SCN3A: variants seen among roughly 807,000 people sequenced by gnomAD.
The protein encoded by SCN3A is sodium channel protein type 3 subunit alpha.
In SCN3A, 60 loss-of-function variants were observed where a neutral mutation model predicts 187.6. The ratio of observed to expected loss-of-function variants is 0.32; its 90% CI spans 0.26 to 0.40. SCN3A has a LOEUF of 0.40. Ranked by LOEUF, SCN3A falls within the 10% of genes least tolerant of loss-of-function variation. The pLI, the probability that SCN3A is intolerant of heterozygous loss-of-function variation, is 1.00. For synonymous variants in SCN3A, 788 were observed against 829.2 expected, an observed-to-expected ratio of 0.95 and a Z score of 0.85; for missense variants, 1,601 against 2,428.2, an observed-to-expected ratio of 0.66 and a Z score of 7.16.
At chr2:165,115,691 G>C in intron 18 of SCN3A, 116 bp from the exon 19 acceptor site, 1 of 917,270 alleles carries the variant, frequency 1.1e-6, no homozygotes, top group Non-Finnish European at 1.8e-6. Context: ...AACTCTATTA[G>C]CATTACTGAT....
chr2:165,147,401 C>T (rs866143130), intron 11 of SCN3A, among the ~76,000 whole-genome samples: 1 of 151,852 alleles, frequency 6.6e-6, no homozygotes, highest in African/African-American at 2.4e-5. Flanking sequence ...ATCTGTAAAA[C>T]GTTTCCTCCT....
chr2:165,120,267 C>T (rs1686587873), intron 18 of SCN3A, among the ~76,000 whole-genome samples: 2 of 151,876 alleles, frequency 1.3e-5, no homozygotes, highest in South Asian at 2.1e-4. Context: ...AAATACCACT[C>T]ACAGGAATGG....
intron 15 of SCN3A, among the ~76,000 whole-genome samples, chr2:165,134,756 C>T (rs951482839): frequency 6.6e-6 from 1 of 151,550 alleles, no homozygotes; most frequent in Non-Finnish European, 1.5e-5. Context: ...ATGTATAAAA[C>T]TTTTAGAAGC....
intron 18 of SCN3A, among the ~76,000 whole-genome samples, chr2:165,126,424 T>C (rs1014027920): frequency 6.6e-6 from 1 of 151,438 alleles, no homozygotes; most frequent in Non-Finnish European, 1.5e-5. Flanking sequence ...TCTTCTTTCT[T>C]TCTTCCCTTC....
At chr2:165,131,804 A>C (rs1574170777) in intron 15 of SCN3A, among the ~76,000 whole-genome samples, 1 of 128,264 alleles carries the variant, frequency 7.8e-6, no homozygotes, top group African/African-American at 3.0e-5. Flanking sequence ...TCCTGTGTCC[A>C]TGTGTTCTCA....
At chr2:165,145,945 A>G (rs1324613822) in intron 12 of SCN3A, among the ~76,000 whole-genome samples, 1 of 152,170 alleles carries the variant, frequency 6.6e-6, no homozygotes. Context: ...TATGTAAACA[A>G]TACATTAACT....
chr2:165,111,484 TACACACACACACACACACACACACACAC>T (rs60417556), intron 21 of SCN3A, among the ~76,000 whole-genome samples: 4 of 142,524 alleles, frequency 2.8e-5, no homozygotes, highest in Middle Eastern at 3.3e-3. Flanking sequence ...GCCAGTCTGA[TACACACACACACACACACACACACACAC>T]ACACACACAC....
At position 165,196,477 on chromosome 2, in the gene SCN3A, C is replaced by T. The variant is rs115641836; in HGVS notation, c.-248+7346G>A. Among the ~76,000 whole-genome samples the T allele has an allele frequency of 6.3e-3, 953 of 152,126 alleles. 6 individuals carry two copies. Among genetic ancestry groups the T allele is most frequent in the African/African-American group, 0.022 (910 of 41,508 alleles). ...TTAAATACTAATACTAAATGATGAT[C>T]CTCTAGGGAAAAGACTTTAGGATAT... On this transcript the variant is annotated intron_variant, in intron 1 of 27. Transcript: ENST00000283254.
intron 15 of SCN3A, among the ~76,000 whole-genome samples, chr2:165,135,509 A>T (rs1333852186): frequency 6.6e-6 from 1 of 152,124 alleles, no homozygotes; most frequent in Non-Finnish European, 1.5e-5. Context: ...TGAGCAAATT[A>T]TAAGCTCTCC....
At chr2:165,132,750 G>A (rs1687417719) in intron 15 of SCN3A, among the ~76,000 whole-genome samples, 1 of 152,112 alleles carries the variant, frequency 6.6e-6, no homozygotes, top group Non-Finnish European at 1.5e-5. Context: ...AACACCAAAA[G>A]CAATGGCGAC....
intron 21 of SCN3A, among the ~76,000 whole-genome samples, chr2:165,112,256 T>C (rs187710156): frequency 2.6e-5 from 4 of 152,322 alleles, no homozygotes; most frequent in Admixed American, 6.5e-5. Context: ...ATTGGCAATG[T>C]TCCTATGACT....
intron 18 of SCN3A, among the ~76,000 whole-genome samples, chr2:165,126,600 G>C (rs113823555): frequency 0.029 from 2,513 of 86,624 alleles, 107 homozygotes; most frequent in African/African-American, 0.11. Context: ...CCCTCCCTTC[G>C]TTCCTTCCTT....
chr2:165,097,342 G>A lies in SCN3A; in HGVS notation c.4149C>T (p.Asp1383=). 1 of 1,614,034 alleles carries A rather than the reference G, an allele frequency of 6.2e-7. No homozygotes were observed. The change falls in exon 23 of 28, where the codon GAC becomes GAT. Residue 1383 remains aspartate, a synonymous_variant. Coordinates refer to ENST00000283254, the MANE Select transcript of SCN3A (RefSeq NM_006922.4). The part of the protein sequence containing the change: ...FDISDVNNLS[D]CQALGKQARW... ...GAGCTTGCTTGCCAAGAGCCTGACA[G>A]TCACTCAAATTGTTAACATCACTAA...
intron 3 of SCN3A, among the ~76,000 whole-genome samples, chr2:165,174,613 A>C (rs151054831): frequency 1.3e-5 from 2 of 152,306 alleles, no homozygotes; most frequent in African/African-American, 4.8e-5. Flanking sequence ...ACTTTTAATC[A>C]TAGCAGAGTA....
chr2:165,102,147 G>C (rs1187133026), intron 21 of SCN3A, among the ~76,000 whole-genome samples: 1 of 152,200 alleles, frequency 6.6e-6, no homozygotes, highest in African/African-American at 2.4e-5. Flanking sequence ...CTTTATTTGA[G>C]ACATGGGATT....
Position 165,162,719 on chromosome 2 carries a change from C to G in SCN3A, c.804G>C (p.Leu268=), listed in dbSNP as rs199984946. The G allele has an allele frequency of 6.2e-7, 1 of 1,614,018 alleles. No homozygotes were observed. The highest frequency in any genetic ancestry group is 1.3e-5 in the African/African-American group (1 of 74,922). ...ATTTATTCCTCAGATTGCCCATGAA[C>G]AGCTGCAGCCCAATGAGAGCAAACA... ...LSVFALIGLQ[L]FMGNLRNKCL... The change falls in exon 8 of 28, where the codon CTG becomes CTC. Residue 268 remains leucine, a synonymous_variant. Transcript: ENST00000283254.
chr2:165,091,373 C>T, intron 27 of SCN3A, 28 bp from the exon 28 acceptor site: 1 of 1,613,012 alleles, frequency 6.2e-7, no homozygotes, highest in Non-Finnish European at 8.5e-7. Flanking sequence ...CACAGCTAAA[C>T]AGATAATATC....
intron 12 of SCN3A, among the ~76,000 whole-genome samples, chr2:165,145,465 A>G (rs914094444): frequency 1.2e-4 from 19 of 152,112 alleles, no homozygotes; most frequent in African/African-American, 4.6e-4. Context: ...ATCTGCAGAA[A>G]AATGGCTTTA....
intron 15 of SCN3A, among the ~76,000 whole-genome samples, chr2:165,137,105 C>T (rs542677606): frequency 6.6e-6 from 1 of 152,138 alleles, no homozygotes; most frequent in South Asian, 2.1e-4. Context: ...CATTTGCTGA[C>T]CTAAAGACAA....
Sources: allele counts gnomAD v4.1 joint callset (sites outside exome capture counted in the v4.1 genomes callset), GRCh38; gene constraint gnomAD v4.1.1; transcripts MANE v1.5; gene names NCBI Gene and HGNC (gene_info 2026-07-23, HGNC 2026-07-21).